The following PLCB1 variants were observed in gnomAD, a reference collection of about 807,000 sequenced individuals.
The protein encoded by PLCB1 is 1-phosphatidylinositol 4,5-bisphosphate phosphodiesterase beta-1.
In PLCB1, 46 loss-of-function variants were observed where a neutral mutation model predicts 161.8. The ratio of observed to expected loss-of-function variants is 0.28; its 90% CI spans 0.22 to 0.36. PLCB1 has a LOEUF of 0.36. PLCB1 is among the 10% of genes least tolerant of loss of function. The pLI is 1.00. For missense variants in PLCB1, 1,016 were observed against 1,472.5 expected, an observed-to-expected ratio of 0.69 and a Z score of 5.07; for synonymous variants, 517 against 503.7, an observed-to-expected ratio of 1.03 and a Z score of -0.35.
intron 3 of PLCB1, among the ~76,000 whole-genome samples, chr20:8,610,715 A>G (rs1987883142): frequency 6.6e-6 from 1 of 152,048 alleles, no homozygotes; most frequent in Non-Finnish European, 1.5e-5. Flanking sequence ...TGTTTTTTAT[A>G]AAGTTCAATT....
intron 2 of PLCB1, among the ~76,000 whole-genome samples, chr20:8,202,039 A>C (rs1270704285): frequency 6.6e-6 from 1 of 152,170 alleles, no homozygotes; most frequent in Non-Finnish European, 1.5e-5. Flanking sequence ...TCAGGAAGGC[A>C]GTATAGTTAT....
rs1276424692 is a variant in PLCB1 at position 8,203,234 on chromosome 20, G to T, written c.177+52863G>T. ...TGGGAGTAGTCTGAACAATAGGAAC[G>T]TGGGACCGACATAAGAAAGGGATGG... On this transcript the variant is annotated intron_variant, in intron 2 of 31. Transcript: ENST00000338037. Among the ~76,000 whole-genome samples the T allele has an allele frequency of 2.0e-5, 3 of 152,170 alleles. No homozygotes were observed. In the East Asian group the frequency reaches 5.8e-4, roughly 29 times the overall value.
intron 2 of PLCB1, among the ~76,000 whole-genome samples, chr20:8,326,373 G>A (rs1227045818): frequency 6.6e-6 from 1 of 152,162 alleles, no homozygotes; most frequent in Non-Finnish European, 1.5e-5. Context: ...GGGCTGGAAG[G>A]TTTGCATTCC....
intron 9 of PLCB1, among the ~76,000 whole-genome samples, chr20:8,678,496 C>T (rs1241816707): frequency 6.6e-6 from 1 of 152,164 alleles, no homozygotes. Flanking sequence ...AAGCGTGTTT[C>T]TATTAACCAT....
chr20:8,350,082 TTTC>T (rs1269376356), intron 2 of PLCB1, among the ~76,000 whole-genome samples: 1 of 152,216 alleles, frequency 6.6e-6, no homozygotes, highest in East Asian at 1.9e-4. Context: ...TGAAATTTCT[TTTC>T]TTCAACTTTT....
chr20:8,494,472 A>G (rs1983077596), intron 3 of PLCB1, among the ~76,000 whole-genome samples: 1 of 152,224 alleles, frequency 6.6e-6, no homozygotes. Context: ...TTAGCAATGT[A>G]TTTTAAATAC....
chr20:8,424,161 C>A (rs188123646), intron 3 of PLCB1, among the ~76,000 whole-genome samples: 2 of 152,226 alleles, frequency 1.3e-5, no homozygotes, highest in African/African-American at 4.8e-5. Context: ...CCCTCCTCCC[C>A]CACCACACAC....
chr20:8,857,915 T>C (rs1314490485), intron 31 of PLCB1, among the ~76,000 whole-genome samples: 1 of 152,196 alleles, frequency 6.6e-6, no homozygotes, highest in East Asian at 1.9e-4. Context: ...GTAATTTTTT[T>C]CAATTGAGTG....
At chr20:8,529,341 T>C (rs1455637098) in intron 3 of PLCB1, among the ~76,000 whole-genome samples, 8 of 152,082 alleles carry the variant, frequency 5.3e-5, no homozygotes, top group African/African-American at 1.9e-4. Flanking sequence ...CATGTTATTT[T>C]AGATGTATTT....
chr20:8,656,021 A>G (rs1264026124), intron 7 of PLCB1, among the ~76,000 whole-genome samples: 1 of 152,010 alleles, frequency 6.6e-6, no homozygotes, highest in Non-Finnish European at 1.5e-5. Flanking sequence ...ATGGCAAAAT[A>G]CTAATAAAAC....
At chr20:8,796,287 G>T (rs1984023481) in intron 31 of PLCB1, among the ~76,000 whole-genome samples, 1 of 152,104 alleles carries the variant, frequency 6.6e-6, no homozygotes, top group South Asian at 2.1e-4. Flanking sequence ...TTGTAACAGG[G>T]TGATTGACTC....
At chr20:8,229,856 C>CATAAAATAAA (rs1172390547) in intron 2 of PLCB1, among the ~76,000 whole-genome samples, 12 of 35,076 alleles carry the variant, frequency 3.4e-4, no homozygotes, top group African/African-American at 1.3e-3. Flanking sequence ...GAGCCCATCT[C>CATAAAATAAA]ATAAAATAAA....
At chr20:8,209,341 C>T (rs1978698525) in intron 2 of PLCB1, among the ~76,000 whole-genome samples, 2 of 151,976 alleles carry the variant, frequency 1.3e-5, no homozygotes, top group South Asian at 4.2e-4. Flanking sequence ...AAATGACTTT[C>T]CTATTGTAAG....
At chr20:8,535,749 C>G (rs1055502851) in intron 3 of PLCB1, among the ~76,000 whole-genome samples, 2 of 152,070 alleles carry the variant, frequency 1.3e-5, no homozygotes, top group African/African-American at 4.8e-5. Context: ...AAAGGCTAAG[C>G]TTCAACATGA....
At chr20:8,242,565 G>A (rs538722687) in intron 2 of PLCB1, among the ~76,000 whole-genome samples, 3 of 151,958 alleles carry the variant, frequency 2.0e-5, no homozygotes, top group Admixed American at 6.6e-5. Context: ...TATATGGCAA[G>A]TTGAAAGGGT....
At chr20:8,376,233 C>A (rs574598667) in intron 3 of PLCB1, among the ~76,000 whole-genome samples, 2 of 152,278 alleles carry the variant, frequency 1.3e-5, no homozygotes, top group Non-Finnish European at 2.9e-5. Context: ...GCTGATCTGA[C>A]AACTAGTTTA....
chr20:8,235,231 A>G (rs530016422), intron 2 of PLCB1, among the ~76,000 whole-genome samples: 28 of 152,244 alleles, frequency 1.8e-4, no homozygotes, highest in African/African-American at 6.7e-4. Context: ...AATGTGCATT[A>G]TTTACTAGTA....
chr20:8,741,000 T>C (rs1311473221), intron 22 of PLCB1, among the ~76,000 whole-genome samples: 1 of 152,336 alleles, frequency 6.6e-6, no homozygotes. Context: ...TGGCAAATCA[T>C]TGGGTTATCC....
intron 3 of PLCB1, chr20:8,600,570 C>T (rs1987530968): frequency 6.6e-6 from 1 of 150,742 alleles, no homozygotes; most frequent in African/African-American, 2.5e-5. Flanking sequence ...TGTGCCCTGC[C>T]CCCAGAGGTG....
Sources: gnomAD v4.1 joint callset for allele counts (sites outside exome capture counted in the v4.1 genomes callset) on GRCh38, gnomAD v4.1.1 for gene constraint, MANE v1.5 for transcripts, NCBI Gene and HGNC (gene_info 2026-07-23, HGNC 2026-07-21) for gene names.